FSIP1: variants seen among roughly 807,000 people sequenced by gnomAD.
FSIP1 encodes fibrous sheath interacting protein 1, also known as fibrous sheath-interacting protein 1.
In FSIP1, 65 loss-of-function variants were observed where a neutral mutation model predicts 60.9. The observed-to-expected ratio is 1.07, with a 90% CI of 0.87 to 1.31. The LOEUF is 1.31. Among genes scored for constraint, FSIP1 ranks in the 40% most tolerant of loss-of-function variants. The probability of loss-of-function intolerance (pLI) is 0.00; values close to 1 mark genes in which losing one functional copy is unlikely to be tolerated. For synonymous variants in FSIP1, 209 were observed against 221.2 expected (o/e 0.94, Z 0.49); for missense variants, 675 against 665.5 (o/e 1.01, Z -0.16).
At chr15:39,769,683 T>C (rs1447242729) in intron 3 of FSIP1, among the ~76,000 whole-genome samples, 1 of 152,216 alleles carries the variant, frequency 6.6e-6, no homozygotes, top group Non-Finnish European at 1.5e-5. Flanking sequence ...TTTCATAAAA[T>C]TGATAGTTTT....
Position 39,726,617 on chromosome 15 carries a change from GAAAAACTGGA to G in FSIP1, c.1012_1021del (p.Ser338LeufsTer22). On this transcript the variant is annotated frameshift_variant, in exon 9 of 12. Transcript: ENST00000350221. LOFTEE classifies it high-confidence loss of function. ...ATTATTCCGATTTTCAAGTCTTGGA[GAAAAACTGGA>G]AATTGTAGGGGAGGCTGCAGAGAGT... 6.2e-7 allele frequency: 1 copy of G among 1,614,078 alleles called. No individual in the cohort carries two copies. The highest frequency in any genetic ancestry group is 1.1e-5 in the South Asian group (1 of 91,068).
chr15:39,670,870 G>C (rs1893691615), intron 10 of FSIP1, among the ~76,000 whole-genome samples: 1 of 152,156 alleles, frequency 6.6e-6, no homozygotes, highest in Non-Finnish European at 1.5e-5. Flanking sequence ...AGCAAAATCT[G>C]AGAAGTATGA....
Position 39,727,882 on chromosome 15 carries a change from A to G in FSIP1, c.892-1135T>C, listed in dbSNP as rs1896257227. 4.6e-5 allele frequency among the ~76,000 whole-genome samples: 7 copies of G among 152,316 alleles called. No individual in the cohort carries two copies. In the South Asian group the frequency reaches 1.2e-3, roughly 27 times the overall value. ...GCAGACAACATGATTCTATACCTAA[A>G]AACCCCATAGTCTCTGATCAAAACC... On this transcript the variant is annotated intron_variant, in intron 8 of 11. Coordinates refer to ENST00000350221, the MANE Select transcript of FSIP1 (RefSeq NM_152597.5).
chr15:39,655,347 T>G (rs1893030328), intron 10 of FSIP1, among the ~76,000 whole-genome samples: 1 of 152,182 alleles, frequency 6.6e-6, no homozygotes, highest in South Asian at 2.1e-4. Context: ...TATGTGCAAA[T>G]GTACTGAACT....
At chr15:39,687,433 C>T (rs1437931975) in intron 10 of FSIP1, among the ~76,000 whole-genome samples, 1 of 152,146 alleles carries the variant, frequency 6.6e-6, no homozygotes, top group African/African-American at 2.4e-5. Flanking sequence ...GGATTACAGG[C>T]GTGAGCCACC....
chr15:39,608,002 T>C (rs2140366060), intron 11 of FSIP1, among the ~76,000 whole-genome samples: 1 of 152,332 alleles, frequency 6.6e-6, no homozygotes, highest in Non-Finnish European at 1.5e-5. Context: ...TGCACACTTT[T>C]GTAGAAAGCA....
intron 1 of FSIP1, 90 bp downstream of exon 1, chr15:39,782,538 T>A (rs1038034855): frequency 7.3e-6 from 1 of 136,886 alleles, no homozygotes; most frequent in African/African-American, 2.7e-5. Flanking sequence ...TCCATCTACA[T>A]GCCAAGCGGC....
intron 10 of FSIP1, among the ~76,000 whole-genome samples, chr15:39,636,070 A>G (rs915978466): frequency 2.6e-5 from 4 of 152,080 alleles, no homozygotes; most frequent in African/African-American, 9.7e-5. Context: ...CTCCAACAAT[A>G]TTATCTCCCT....
chr15:39,602,372 G>T (rs1179467705), intron 11 of FSIP1: 1 of 455,884 alleles, frequency 2.2e-6, no homozygotes, highest in Non-Finnish European at 4.4e-6. Flanking sequence ...GTGTGGCCTT[G>T]GTGACACCTT....
chr15:39,732,163 T>C (rs1413804362), intron 8 of FSIP1, among the ~76,000 whole-genome samples: 1 of 152,174 alleles, frequency 6.6e-6, no homozygotes, highest in African/African-American at 2.4e-5. Flanking sequence ...TGTGAGAATC[T>C]AATGCTGCAG....
At chr15:39,693,487 T>C (rs1894686069) in intron 10 of FSIP1, among the ~76,000 whole-genome samples, 1 of 152,230 alleles carries the variant, frequency 6.6e-6, no homozygotes, top group African/African-American at 2.4e-5. Flanking sequence ...GGAATCAAGC[T>C]GAACGCATGG....
intron 11 of FSIP1, among the ~76,000 whole-genome samples, chr15:39,612,974 T>C (rs1240266018): frequency 6.6e-6 from 1 of 151,822 alleles, no homozygotes; most frequent in African/African-American, 2.4e-5. Flanking sequence ...AGAAGAATAT[T>C]TAATAACACA....
intron 10 of FSIP1, among the ~76,000 whole-genome samples, chr15:39,711,906 C>T (rs532445111): frequency 2.0e-5 from 3 of 151,862 alleles, no homozygotes; most frequent in Non-Finnish European, 4.4e-5. Flanking sequence ...AGGCTAGTCA[C>T]GAACTCCTGA....
intron 10 of FSIP1, among the ~76,000 whole-genome samples, chr15:39,672,265 C>A (rs1213397429): frequency 1.3e-5 from 2 of 152,214 alleles, no homozygotes; most frequent in African/African-American, 2.4e-5. Flanking sequence ...GAGGGTAGGG[C>A]ATTCAGCACA....
At chr15:39,672,833 C>T (rs1195389294) in intron 10 of FSIP1, among the ~76,000 whole-genome samples, 1 of 152,156 alleles carries the variant, frequency 6.6e-6, no homozygotes, top group Non-Finnish European at 1.5e-5. Flanking sequence ...TCCCAACAAG[C>T]TAGAAGCCTC....
intron 10 of FSIP1, among the ~76,000 whole-genome samples, chr15:39,666,411 C>G (rs932882457): frequency 6.6e-6 from 1 of 152,146 alleles, no homozygotes; most frequent in Non-Finnish European, 1.5e-5. Flanking sequence ...TGATTATGAA[C>G]TATTTTTTCA....
At chr15:39,653,191 A>C (rs906589452) in intron 10 of FSIP1, among the ~76,000 whole-genome samples, 5 of 151,198 alleles carry the variant, frequency 3.3e-5, no homozygotes, top group African/African-American at 9.7e-5. Flanking sequence ...AAAAAAAAAA[A>C]ACCCAAAAAC....
At chr15:39,741,627 T>C (rs532370634) in intron 6 of FSIP1, among the ~76,000 whole-genome samples, 178 bp downstream of exon 6, 1 of 152,346 alleles carries the variant, frequency 6.6e-6, no homozygotes, top group African/African-American at 2.4e-5. Flanking sequence ...AGTAGAATGG[T>C]ATAACAAACT....
At chr15:39,771,672 G>A (rs1283341638) in intron 2 of FSIP1, among the ~76,000 whole-genome samples, 1 of 152,164 alleles carries the variant, frequency 6.6e-6, no homozygotes, top group Non-Finnish European at 1.5e-5. Context: ...TCTCTACCAT[G>A]AATTAACAGA....
Sources: gnomAD v4.1 joint callset for allele counts (sites outside exome capture counted in the v4.1 genomes callset) on GRCh38, gnomAD v4.1.1 for gene constraint, MANE v1.5 for transcripts, NCBI Gene and HGNC (gene_info 2026-07-23, HGNC 2026-07-21) for gene names.